RTN4: variants seen among roughly 807,000 people sequenced by gnomAD.
RTN4 encodes reticulon-4.
RTN4 carries 32 observed loss-of-function variants against 90.4 expected under a neutral mutation model. The ratio of observed to expected loss-of-function variants is 0.35; its 90% confidence interval spans 0.27 to 0.48. The LOEUF is 0.48. Ranked by LOEUF, RTN4 falls within the 20% of genes least tolerant of loss-of-function variation. The probability of loss-of-function intolerance (pLI) is 0.99; values close to 1 mark genes in which losing one functional copy is unlikely to be tolerated. For synonymous variants in RTN4, 629 were observed against 552.5 expected, an observed-to-expected ratio of 1.14 and a Z score of -1.94; for missense variants, 1,706 against 1,430.2, an observed-to-expected ratio of 1.19 and a Z score of -3.11.
chr2:54,978,487 A>C (rs1461111069), intron 5 of RTN4, among the ~76,000 whole-genome samples: 1 of 151,882 alleles, frequency 6.6e-6, no homozygotes, highest in Non-Finnish European at 1.5e-5. Flanking sequence ...GAATCTAAAA[A>C]TGTAGATATA....
intron 3 of RTN4, among the ~76,000 whole-genome samples, chr2:54,990,923 C>T (rs1678961839): frequency 6.6e-6 from 1 of 152,026 alleles, no homozygotes; most frequent in Non-Finnish European, 1.5e-5. Flanking sequence ...GTAGCTGGGG[C>T]AGGCGCCCGC....
At chr2:55,002,820 C>T (rs549387079) in intron 3 of RTN4, among the ~76,000 whole-genome samples, 3 of 152,162 alleles carry the variant, frequency 2.0e-5, no homozygotes, top group Non-Finnish European at 4.4e-5. Flanking sequence ...ATGAGAACTT[C>T]TCCTATGACA....
At chr2:54,993,842 T>G (rs142237724) in intron 3 of RTN4, among the ~76,000 whole-genome samples, 1 of 152,044 alleles carries the variant, frequency 6.6e-6, no homozygotes, top group Non-Finnish European at 1.5e-5. Flanking sequence ...TATCCTAGAA[T>G]AGGAACACCT....
At chr2:55,050,616 G>A (rs541276826), upstream of RTN4, 6 of 245,996 alleles carry the variant, frequency 2.4e-5, no homozygotes, top group South Asian at 6.6e-4. This position sits in a 1 kb window ranked among gnomAD's most constrained non-coding sequence, Gnocchi z 4.6. Context: ...GAGGGAGAGA[G>A]CCAATCGGCT....
chr2:55,127,688 G>A, the RTN4 span, among the ~76,000 whole-genome samples: 1 of 152,152 alleles, frequency 6.6e-6, no homozygotes, highest in Non-Finnish European at 1.5e-5. Context: ...CAGTTTCATA[G>A]CTGCCAAAGG....
At chr2:55,135,021 T>G in the RTN4 span, among the ~76,000 whole-genome samples, 1 of 151,996 alleles carries the variant, frequency 6.6e-6, no homozygotes, top group Non-Finnish European at 1.5e-5. Flanking sequence ...ACAATTCCAT[T>G]TGGGGAGGCC....
chr2:55,010,383 G>A, intron 3 of RTN4: 6 of 1,282,004 alleles, frequency 4.7e-6, no homozygotes, highest in Non-Finnish European at 5.9e-6. Context: ...GATTGTTTTA[G>A]GCATTTGCCT....
chr2:55,049,478 T>A (rs1667969589), intron 1 of RTN4: 1 of 504,590 alleles, frequency 2.0e-6, no homozygotes, highest in East Asian at 3.7e-5. Flanking sequence ...ATCCGTACGC[T>A]GGGCATCACA....
the RTN4 span, among the ~76,000 whole-genome samples, chr2:55,125,839 G>T: frequency 1.4e-5 from 2 of 145,828 alleles, no homozygotes; most frequent in Non-Finnish European, 3.0e-5. Context: ...AGGTGGGCGG[G>T]TCACCAGGTC....
chr2:55,092,053 G>C (rs1003943130), intron 1 of RTN4, among the ~76,000 whole-genome samples: 23 of 151,952 alleles, frequency 1.5e-4, no homozygotes, highest in African/African-American at 5.3e-4. Context: ...TGCCAGGCTT[G>C]GTGGCACATG....
intron 2 of RTN4, among the ~76,000 whole-genome samples, chr2:55,077,010 TTC>T (rs1468655700): frequency 1.9e-5 from 1 of 53,500 alleles, no homozygotes; most frequent in Non-Finnish European, 3.1e-5. Context: ...TCTCAGGCAG[TTC>T]TTTTTTTTTT....
At chr2:54,975,799 A>G (rs1164271828) in intron 5 of RTN4, among the ~76,000 whole-genome samples, 1 of 152,196 alleles carries the variant, frequency 6.6e-6, no homozygotes, top group Admixed American at 6.5e-5. Context: ...ACTTTGGATG[A>G]CTCTACCAAG....
chr2:55,042,318 C>A (rs1025041417), intron 1 of RTN4, among the ~76,000 whole-genome samples: 1 of 152,042 alleles, frequency 6.6e-6, no homozygotes, highest in African/African-American at 2.4e-5. Context: ...GGCATGTATT[C>A]CCAAAGAAGT....
intron 5 of RTN4, among the ~76,000 whole-genome samples, chr2:54,982,168 C>G (rs997168661): frequency 6.6e-6 from 1 of 151,938 alleles, no homozygotes; most frequent in Non-Finnish European, 1.5e-5. Context: ...GTTGGCCAGG[C>G]TAGTCTCAAA....
chr2:55,125,690 C>T, the RTN4 span, among the ~76,000 whole-genome samples: 1 of 152,222 alleles, frequency 6.6e-6, no homozygotes, highest in Non-Finnish European at 1.5e-5. Context: ...CGTTTGAACT[C>T]AGGAGGCGGA....
At chr2:55,110,990 G>A (rs1452424568) in intron 1 of RTN4, among the ~76,000 whole-genome samples, 5 of 152,104 alleles carry the variant, frequency 3.3e-5, no homozygotes, top group Non-Finnish European at 5.9e-5. Context: ...GCAGTGAGCC[G>A]AGATCGTACC....
intron 1 of RTN4, among the ~76,000 whole-genome samples, chr2:55,094,252 G>A (rs1668994200): frequency 6.6e-6 from 1 of 152,192 alleles, no homozygotes; most frequent in Admixed American, 6.5e-5. Context: ...GCAGCTGTCT[G>A]CAAGCCAGGA....
At chr2:55,059,659 C>A (rs1418026737) in intron 2 of RTN4, among the ~76,000 whole-genome samples, 1 of 151,884 alleles carries the variant, frequency 6.6e-6, no homozygotes, top group Non-Finnish European at 1.5e-5. Context: ...CATGGTGAAA[C>A]CCTGTCTCTA....
intron 1 of RTN4, among the ~76,000 whole-genome samples, chr2:55,104,495 C>T (rs982236789): frequency 2.6e-5 from 4 of 152,048 alleles, no homozygotes; most frequent in African/African-American, 7.2e-5. Flanking sequence ...GGACTACAGG[C>T]GCATGCCACC....
Sources: allele counts gnomAD v4.1 joint callset (sites outside exome capture counted in the v4.1 genomes callset), GRCh38; gene constraint gnomAD v4.1.1; non-coding constraint Gnocchi (gnomAD v3.1); transcripts MANE v1.5; gene names NCBI Gene and HGNC (gene_info 2026-07-23, HGNC 2026-07-21).